The following SRRT variants were observed in gnomAD, a reference collection of about 807,000 sequenced individuals.
The protein encoded by SRRT is serrate RNA effector molecule homolog.
In SRRT, 32 loss-of-function variants were observed where a neutral mutation model predicts 103.2. That is an observed-to-expected ratio of 0.31 (90% confidence interval 0.23 to 0.42). The LOEUF (loss-of-function observed/expected upper bound fraction) is 0.42. Among genes scored for constraint, SRRT ranks in the 10% least tolerant of loss-of-function variants. SRRT has a pLI of 1.00. For synonymous variants in SRRT, 525 were observed against 449.0 expected, an observed-to-expected ratio of 1.17 and a Z score of -2.14; for missense variants, 986 against 1,207.5, an observed-to-expected ratio of 0.82 and a Z score of 2.72.
At position 100,885,330 on chromosome 7, in the gene SRRT, G is replaced by A; in HGVS notation, c.1277G>A (p.Arg426His). ...CATAAGACCTGCTCCCTCTTCATGC[G>A]CAACATCGCGCCCAACATCTCCCGG... ...PLHKTCSLFM[R>H]NIAPNISRAE... Residue 426 changes from arginine (R) to histidine (H), a missense_variant, in exon 10 of 20, where the codon CGC (arginine) becomes CAC (histidine). Transcript: ENST00000611405. This position sits in a 1 kb window ranked among gnomAD's most constrained non-coding sequence, Gnocchi z 4.8. The A allele has an allele frequency of 6.2e-7, 1 of 1,614,054 alleles. No individual in the cohort carries two copies. Among genetic ancestry groups the A allele is most frequent in the Non-Finnish European group, 8.5e-7 (1 of 1,179,954 alleles).
intron 2 of SRRT, among the ~76,000 whole-genome samples, chr7:100,876,798 A>C (rs1815756053): frequency 1.3e-5 from 2 of 152,174 alleles, no homozygotes; most frequent in South Asian, 4.1e-4. Context: ...AGATCTCTAA[A>C]GGAGGGGAGC....
rs1584753452 is a variant in SRRT, at chr7:100,885,509, A to C, written c.1317+139A>C. 1 of 1,118,824 alleles carries C rather than the reference A, an allele frequency of 8.9e-7. No individual in the cohort carries two copies. The highest frequency in any genetic ancestry group is 1.3e-6 in the Non-Finnish European group (1 of 787,538). The allele number at this position is 1,118,824 out of a possible 1,614,324, so 69.3% of individuals were successfully genotyped here. On this transcript the variant is annotated intron_variant, in intron 10 of 19. Coordinates refer to ENST00000611405, the MANE Select transcript of SRRT (RefSeq NM_015908.6). This position sits in a 1 kb window ranked among gnomAD's most constrained non-coding sequence, Gnocchi z 4.8. Reference sequence around the variant, plus strand: ...CCTTCCCCAGGTTCCATGGCCTCCGAGGACTAGTCCTGATAGCGCCATTGG... The same window carrying C: ...CCTTCCCCAGGTTCCATGGCCTCCGCGGACTAGTCCTGATAGCGCCATTGG...
intron 2 of SRRT, chr7:100,875,915 C>A: frequency 1.8e-6 from 1 of 566,348 alleles, no homozygotes; most frequent in Non-Finnish European, 3.1e-6. Flanking sequence ...CAGATCAGAG[C>A]TATAGAGCTA....
Position 100,887,706 on chromosome 7 carries a change from C to T in SRRT, c.2173C>T (p.Pro725Ser). 1.2e-6 allele frequency: 2 copies of T among 1,608,684 alleles called. No homozygotes were observed. The highest frequency in any genetic ancestry group is 1.7e-4 in the Middle Eastern group (1 of 6,052). The part of the protein sequence containing the change: ...CPLSGKKFKG[P>S]EFVRKHIFNK... Reference sequence around the variant, plus strand: ...CCCCTCTCCTCTCTCCACCCAGGGTCCTGAGTTTGTGCGCAAACATATCTT... The same window carrying T: ...CCCCTCTCCTCTCTCCACCCAGGGTTCTGAGTTTGTGCGCAAACATATCTT... Residue 725 changes from proline (P) to serine (S), a missense_variant, in exon 17 of 20, where the codon CCT becomes TCT. Physicochemically the swap from Pro to Ser is moderately conservative, Grantham distance 74. This residue lies in a region of SRRT where 10 missense variants were observed against 35.1 expected (regional missense o/e 0.29). Coordinates refer to ENST00000611405, the MANE Select transcript of SRRT (RefSeq NM_015908.6). This position sits in a 1 kb window ranked among gnomAD's most constrained non-coding sequence, Gnocchi z 4.1.
intron 2 of SRRT, among the ~76,000 whole-genome samples, chr7:100,876,515 G>A (rs984209113): frequency 1.3e-5 from 2 of 152,160 alleles, no homozygotes; most frequent in Admixed American, 1.3e-4. Flanking sequence ...TATTTTAGGA[G>A]GATTGCTTCA....
In SRRT at chr7:100,882,141, G is replaced by C; in HGVS notation, c.487G>C (p.Val163Leu). ...GTTTCTCCTCTCCCTGGATGACTCG[G>C]TGGATGAGACGGAGGCCGTCAAGCG... ...KEFLLSLDDS[V>L]DETEAVKRYN... is the part of the protein sequence containing the mutation. Residue 163 changes from valine to leucine, a missense_variant, in exon 5 of 20, where the codon GTG (valine) becomes CTG (leucine). Val to Leu is a conservative substitution (Grantham distance 32). Coordinates refer to ENST00000611405, the MANE Select transcript of SRRT (RefSeq NM_015908.6). The surrounding 1 kb of genome is among the most constrained non-coding windows in gnomAD (Gnocchi z 4.2). 6.2e-7 allele frequency: 1 copy of C among 1,614,198 alleles called. No homozygotes were observed. The highest frequency in any genetic ancestry group is 8.5e-7 in the Non-Finnish European group (1 of 1,180,032).
At chr7:100,886,509 T>C in intron 13 of SRRT, 74 bp downstream of exon 13, 1 of 1,449,802 alleles carries the variant, frequency 6.9e-7, no homozygotes, top group Non-Finnish European at 9.3e-7. Context: ...TGACCTTACC[T>C]ATCTGTAGCC....
intron 2 of SRRT, among the ~76,000 whole-genome samples, chr7:100,876,173 A>G (rs1815683854): frequency 6.6e-6 from 1 of 152,050 alleles, no homozygotes; most frequent in South Asian, 2.1e-4. Context: ...TTATTTCGAG[A>G]CAGAGTCTTG....
rs183644587 is a variant in SRRT at position 100,880,317 on chromosome 7, G to C, written c.123-968G>C. On this transcript the variant is annotated intron_variant, in intron 2 of 19. Coordinates refer to ENST00000611405, the MANE Select transcript of SRRT (RefSeq NM_015908.6). ...CTTGATTCTTTTTTCTTTTTTTGGT[G>C]GGGGGGATGAAGTCTTGCTCTGTCG... Among the ~76,000 whole-genome samples, 51 of 152,036 alleles carry C rather than the reference G, an allele frequency of 3.4e-4. 1 individual carries two copies. The South Asian group carries it at 9.8e-3, about 29-fold the overall frequency.
At chr7:100,886,188 G>T in intron 12 of SRRT, 59 bp from the exon 13 acceptor site, 1 of 1,562,824 alleles carries the variant, frequency 6.4e-7, no homozygotes, top group South Asian at 1.2e-5. Context: ...TCTTAGAGCT[G>T]CTGTTTCTCT....
At chr7:100,886,558 C>T (rs1329960178) in intron 13 of SRRT, 123 bp downstream of exon 13, 12 of 1,118,146 alleles carry the variant, frequency 1.1e-5, no homozygotes, top group African/African-American at 1.6e-5. Flanking sequence ...ACTCATTTGC[C>T]CCTTCGTGTG....
At position 100,887,613 on chromosome 7, in the gene SRRT, C is replaced by T; in HGVS notation, c.2170-90C>T. 1 of 1,575,662 alleles carries T rather than the reference C, an allele frequency of 6.3e-7. No individual in the cohort carries two copies. The highest frequency in any genetic ancestry group is 1.2e-5 in the South Asian group (1 of 85,168). The stretch of plus-strand genomic sequence containing the variant: ...GTGGGGGAACTGCTTACTGCACTGG[C>T]AGGCGGGAGCTGGGAATCCTTCCAG... On this transcript the variant is annotated intron_variant, in intron 16 of 19. Coordinates refer to ENST00000611405, the MANE Select transcript of SRRT (RefSeq NM_015908.6). This position sits in a 1 kb window ranked among gnomAD's most constrained non-coding sequence, Gnocchi z 4.1.
In SRRT at chr7:100,881,768, C is replaced by T; in HGVS notation, c.361C>T (p.His121Tyr). The change falls in exon 4 of 20, where the codon CAC (histidine) becomes TAC (tyrosine). Residue 121 changes from histidine (H) to tyrosine (Y), a missense_variant. Transcript: ENST00000611405. ...PPQPWGHPDV[H>Y]IMQHHVLPIQ... Reference sequence around the variant, plus strand: ...TCAGCCCTGGGGCCACCCTGACGTCCACATCATGCAGCACCATGTCCTGCC... The same window carrying T: ...TCAGCCCTGGGGCCACCCTGACGTCTACATCATGCAGCACCATGTCCTGCC... The T allele has an allele frequency of 6.2e-7, 1 of 1,613,384 alleles. No individual in the cohort carries two copies. Among genetic ancestry groups the T allele is most frequent in the Non-Finnish European group, 8.5e-7 (1 of 1,179,832 alleles).
rs1031964923 is a variant in SRRT at position 100,882,435 on chromosome 7, G to A, written c.587+194G>A. Reference sequence around the variant, plus strand: ...ACTGCCACGGCCCCCGCCCCGCCCTGTCTCCTGTCCTGCTGTCCTCAGAGA... The same window carrying A: ...ACTGCCACGGCCCCCGCCCCGCCCTATCTCCTGTCCTGCTGTCCTCAGAGA... On this transcript the variant is annotated intron_variant, in intron 5 of 19. Transcript: ENST00000611405. This position sits in a 1 kb window ranked among gnomAD's most constrained non-coding sequence, Gnocchi z 4.2. 11 of 589,194 alleles carry A rather than the reference G, an allele frequency of 1.9e-5. No homozygotes were observed. Among genetic ancestry groups the A allele is most frequent in the African/African-American group, 1.7e-4 (9 of 53,244 alleles). The allele number at this position is 589,194 out of a possible 1,614,324, so 36.5% of individuals were successfully genotyped here.
At position 100,886,236 on chromosome 7, in the gene SRRT, C is replaced by T. The variant is rs1426783691; in HGVS notation, c.1459-11C>T. The stretch of plus-strand genomic sequence containing the variant: ...AAGTGGGGTAAGCTGCTGATGATGT[C>T]TGCCCTCCAGCTCCGGGAGTGTGAG... On this transcript the variant is annotated splice_polypyrimidine_tract_variant and intron_variant, in intron 12 of 19. Coordinates refer to ENST00000611405, the MANE Select transcript of SRRT (RefSeq NM_015908.6). 2 of 1,607,494 alleles carry T rather than the reference C, an allele frequency of 1.2e-6. No homozygotes were observed. Among genetic ancestry groups the T allele is most frequent in the Non-Finnish European group, 1.7e-6 (2 of 1,176,966 alleles).
chr7:100,881,819 T>G lies in SRRT; in HGVS notation c.398+14T>G. 6.3e-7 allele frequency: 1 copy of G among 1,588,506 alleles called. No homozygotes were observed. Among genetic ancestry groups the G allele is most frequent in the South Asian group, 1.1e-5 (1 of 88,092 alleles). On this transcript the variant is annotated intron_variant, in intron 4 of 19. Coordinates refer to ENST00000611405, the MANE Select transcript of SRRT (RefSeq NM_015908.6). Reference sequence around the variant, plus strand: ...TATCCAGGCCAGGTAAGGGTGGGGCTTCTCAGAAGAGGGTTGGTAGGCCTG... The same window carrying G: ...TATCCAGGCCAGGTAAGGGTGGGGCGTCTCAGAAGAGGGTTGGTAGGCCTG...
Position 100,881,420 on chromosome 7 carries a change from T to C in SRRT, c.251+7T>C, listed in dbSNP as rs562692251. The C allele has an allele frequency of 3.7e-6, 6 of 1,608,886 alleles. No individual in the cohort carries two copies. In the Admixed American group the frequency reaches 6.7e-5, roughly 18 times the overall value. On this transcript the variant is annotated splice_region_variant and intron_variant, in intron 3 of 19. Transcript: ENST00000611405. ...AGCGCATGAGGAGAGACTGGTGAGA[T>C]GGAGCGGTTTCCCTCTCCTCCCCTT...
In SRRT at chr7:100,886,395, A is replaced by T; in HGVS notation, c.1607A>T (p.Gln536Leu). The T allele has an allele frequency of 6.2e-7, 1 of 1,613,584 alleles. No individual in the cohort carries two copies. ...KLIHTLDDRT[Q>L]LWASEPGTPP... ...ATCCACACGCTGGATGACAGGACACAGCTTTGGGCCTCAGAACCAGGGACG... is the reference window on the plus strand; with the variant it reads ...ATCCACACGCTGGATGACAGGACACTGCTTTGGGCCTCAGAACCAGGGACG... The change falls in exon 13 of 20, where the codon CAG (glutamine) becomes CTG (leucine). Residue 536 changes from glutamine (Q) to leucine (L), a missense_variant. Physicochemically the swap from Gln to Leu is moderately radical, Grantham distance 113. Coordinates refer to ENST00000611405, the MANE Select transcript of SRRT (RefSeq NM_015908.6).
intron 3 of SRRT, 22 bp from the exon 4 acceptor site, chr7:100,881,637 C>T (rs1452122755): frequency 6.2e-7 from 1 of 1,613,762 alleles, no homozygotes; most frequent in African/African-American, 1.3e-5. Context: ...CTCTGCTTTA[C>T]TTTTGTGTCC....
Sources: gnomAD v4.1 joint callset for allele counts (sites outside exome capture counted in the v4.1 genomes callset) on GRCh38, gnomAD v4.1.1 for gene constraint, gnomAD v4.1.1 regional missense constraint, Gnocchi (gnomAD v3.1) non-coding constraint, MANE v1.5 for transcripts, NCBI Gene and HGNC (gene_info 2026-07-23, HGNC 2026-07-21) for gene names.